Variants in GSS observed in about 807,000 individuals in gnomAD.
GSS encodes the protein GSH synthetase.
A neutral mutation model predicts 60.4 loss-of-function variants in GSS; 34 were observed. The observed-to-expected ratio is 0.56, with a 90% confidence interval of 0.43 to 0.75. The LOEUF is 0.75. GSS is among the 30% of genes least tolerant of loss of function. GSS has a pLI of 0.00. For missense variants in GSS, 499 were observed against 595.1 expected (o/e 0.84, Z 1.68); for synonymous variants, 224 against 239.0 (o/e 0.94, Z 0.58).
Position 34,936,977 on chromosome 20 carries a change from C to A in GSS, c.655G>T (p.Asp219Tyr). 6.2e-7 allele frequency: 1 copy of A among 1,614,018 alleles called. No individual in the cohort carries two copies. The highest frequency in any genetic ancestry group is 1.1e-5 in the South Asian group (1 of 91,058). ...IAQEKERNIF[D>Y]QRAIENELLA... is the part of the protein sequence containing the mutation. ...AGCTCATTCTCTATGGCACGCTGGT[C>A]AAATATGTTTCTTTCCTTCTCTTGA... is the stretch of plus-strand genomic sequence containing the variant. Residue 219 changes from aspartate to tyrosine, a missense_variant, in exon 7 of 13, where the codon GAC (aspartate) becomes TAC (tyrosine). Coordinates refer to ENST00000651619, the MANE Select transcript of GSS (RefSeq NM_000178.4).
chr20:34,950,306 G>A (rs1368403970), intron 2 of GSS, among the ~76,000 whole-genome samples: 1 of 151,966 alleles, frequency 6.6e-6, no homozygotes, highest in East Asian at 1.9e-4. Flanking sequence ...CATTTACTTG[G>A]GCCTTAGCAA....
chr20:34,949,266 C>A (rs928125270), intron 2 of GSS, among the ~76,000 whole-genome samples: 1 of 152,150 alleles, frequency 6.6e-6, no homozygotes, highest in African/African-American at 2.4e-5. Flanking sequence ...AAATACTCAG[C>A]CTAGATATGG....
At position 34,936,754 on chromosome 20, in the gene GSS, A is replaced by G. The variant is rs1449553008; in HGVS notation, c.767+9T>C. The G allele has an allele frequency of 1.9e-6, 3 of 1,597,548 alleles. No homozygotes were observed. The highest frequency in any genetic ancestry group is 1.3e-5 in the African/African-American group (1 of 74,606). The stretch of plus-strand genomic sequence containing the variant: ...ACCAGCCTTCCACTGGATTCTTGGG[A>G]ATGCTTACACAAACAGCCTTCGGTC... On this transcript the variant is annotated intron_variant, in intron 8 of 12. Transcript: ENST00000651619.
chr20:34,936,419 C>T (rs1302156507), intron 8 of GSS, among the ~76,000 whole-genome samples: 3 of 152,184 alleles, frequency 2.0e-5, no homozygotes, highest in African/African-American at 7.2e-5. Context: ...CCAGACCAAT[C>T]ACAGCATGAG....
In GSS at chr20:34,928,912, A is replaced by G. The variant is rs1203069606; in HGVS notation, c.1341T>C (p.His447=). ...GCTCGATGGCTTTGGTTCGAAGTAG[A>G]TGCCCCACGTGCTTGTTCATCACGA... is the stretch of plus-strand genomic sequence containing the variant. ...KTLVMNKHVG[H]LLRTKAIEHA... Residue 447 remains histidine, a synonymous_variant, in exon 13 of 13, where the codon CAT becomes CAC. Transcript: ENST00000651619. The G allele has an allele frequency of 6.2e-7, 1 of 1,613,820 alleles. No individual in the cohort carries two copies. The highest frequency in any genetic ancestry group is 1.7e-4 in the Middle Eastern group (1 of 5,816).
At position 34,928,779 on chromosome 20, in the gene GSS, A is replaced by G. The variant is rs970338473; in HGVS notation, c.*49T>C. The G allele has an allele frequency of 1.9e-6, 3 of 1,610,378 alleles. No homozygotes were observed. Among genetic ancestry groups the G allele is most frequent in the South Asian group, 1.1e-5 (1 of 90,934 alleles). On this transcript the variant is annotated 3_prime_UTR_variant, in exon 13 of 13. Transcript: ENST00000651619. ...GGATACCCCTCAGGAGGGCTAGGAG[A>G]GGAATGACAAATACAGAGGATAGAA...
At chr20:34,931,240 T>C in intron 11 of GSS, 96 bp downstream of exon 11, 1 of 970,544 alleles carries the variant, frequency 1.0e-6, no homozygotes, top group Non-Finnish European at 1.7e-6. Flanking sequence ...GTTTCCCCCA[T>C]GCCCGGGACT....
intron 6 of GSS, among the ~76,000 whole-genome samples, 177 bp downstream of exon 6, chr20:34,941,536 C>T (rs551760311): frequency 1.3e-5 from 2 of 152,284 alleles, no homozygotes; most frequent in African/African-American, 4.8e-5. Flanking sequence ...AAATCATAGT[C>T]AGCATCTGTT....
intron 10 of GSS, chr20:34,931,695 C>T (rs919492679): frequency 4.8e-6 from 3 of 621,076 alleles, no homozygotes; most frequent in Non-Finnish European, 8.6e-6. Context: ...TTAGTCCCTT[C>T]CCTCTGGTTG....
chr20:34,953,295 C>G (rs1036234962), intron 1 of GSS, among the ~76,000 whole-genome samples: 2 of 152,168 alleles, frequency 1.3e-5, no homozygotes, highest in Non-Finnish European at 2.9e-5. Context: ...GCTCTGTCCC[C>G]CTGTCCCCAT....
chr20:34,931,400 C>G lies in GSS; in HGVS notation c.1047G>C (p.Gln349His). The G allele has an allele frequency of 6.2e-7, 1 of 1,614,192 alleles. No individual in the cohort carries two copies. The highest frequency in any genetic ancestry group is 1.1e-5 in the South Asian group (1 of 91,092). Reference sequence around the variant, plus strand: ...GGGCAGCAAGGGCCTCGGCGATGGCCTGGTCCCCTTCTTCACCCTGGCAGG... The same window carrying G: ...GGGCAGCAAGGGCCTCGGCGATGGCGTGGTCCCCTTCTTCACCCTGGCAGG... ...YSLDVGEEGD[Q>H]AIAEALAAPS... is the part of the protein sequence containing the mutation. Residue 349 changes from glutamine (Q) to histidine (H), a missense_variant, in exon 11 of 13, where the codon CAG becomes CAC. Physicochemically the swap from Gln to His is conservative, Grantham distance 24. Coordinates refer to ENST00000651619, the MANE Select transcript of GSS (RefSeq NM_000178.4).
At chr20:34,930,214 C>T (rs2147121043) in intron 11 of GSS, among the ~76,000 whole-genome samples, 1 of 148,682 alleles carries the variant, frequency 6.7e-6, no homozygotes, top group African/African-American at 2.5e-5. Context: ...TGCAGTGAGC[C>T]AAGATCATGC....
chr20:34,932,240 C>A, intron 9 of GSS, 107 bp from the exon 10 acceptor site: 1 of 852,724 alleles, frequency 1.2e-6, no homozygotes, highest in South Asian at 1.4e-5. Flanking sequence ...TATCTTCACC[C>A]TCATTATCAC....
At position 34,931,394 on chromosome 20, in the gene GSS, G is replaced by A. The variant is rs373822828; in HGVS notation, c.1053C>T (p.Ile351=). The part of the protein sequence containing the change: ...LDVGEEGDQA[I]AEALAAPSRF... ...GGCTAGGGGCAGCAAGGGCCTCGGC[G>A]ATGGCCTGGTCCCCTTCTTCACCCT... is the stretch of plus-strand genomic sequence containing the variant. Residue 351 remains isoleucine (I), a synonymous_variant, in exon 11 of 13, where the codon ATC becomes ATT. Transcript: ENST00000651619. The A allele has an allele frequency of 1.4e-5, 22 of 1,614,060 alleles. No homozygotes were observed. The highest frequency in any genetic ancestry group is 5.3e-5 in the African/African-American group (4 of 74,944).
In GSS at chr20:34,929,465, G is replaced by A; in HGVS notation, c.1237C>T (p.Pro413Ser). 6.2e-7 allele frequency: 1 copy of A among 1,614,076 alleles called. No individual in the cohort carries two copies. The highest frequency in any genetic ancestry group is 8.5e-7 in the Non-Finnish European group (1 of 1,179,908). ...TGGACCACTCGGGCAGGGCTGCCAG[G>A]CCGTAGCAGGCAATTCTCAAAAGGC... ...PEPFENCLLR[P>S]GSPARVVQCI... is the part of the protein sequence containing the mutation. The change falls in exon 12 of 13, where the codon CCT becomes TCT. Residue 413 changes from proline to serine, a missense_variant. Transcript: ENST00000651619.
intron 12 of GSS, 102 bp from the exon 13 acceptor site, chr20:34,929,053 C>T: frequency 7.2e-7 from 1 of 1,394,222 alleles, no homozygotes; most frequent in Non-Finnish European, 1.0e-6. Context: ...CTGTCTATAC[C>T]AAGAAAGTGC....
chr20:34,941,890 G>C (rs1348560360), intron 5 of GSS, 61 bp from the exon 6 acceptor site: 5 of 869,594 alleles, frequency 5.7e-6, no homozygotes, highest in Non-Finnish European at 9.9e-6. Flanking sequence ...CTCTGCCCAT[G>C]ACCTCATATA....
At chr20:34,930,556 C>G (rs1236109089) in intron 11 of GSS, among the ~76,000 whole-genome samples, 5 of 152,152 alleles carry the variant, frequency 3.3e-5, no homozygotes, top group African/African-American at 1.2e-4. Context: ...ACAACTGTAT[C>G]AGCCTCTTCC....
At chr20:34,937,630 A>G (rs1418305361) in intron 6 of GSS, among the ~76,000 whole-genome samples, 2 of 152,190 alleles carry the variant, frequency 1.3e-5, no homozygotes, top group Non-Finnish European at 2.9e-5. Context: ...TTGATCTCAT[A>G]GTATTAATGA....
Sources: gnomAD v4.1 joint callset for allele counts (sites outside exome capture counted in the v4.1 genomes callset) on GRCh38, gnomAD v4.1.1 for gene constraint, MANE v1.5 for transcripts, NCBI Gene and HGNC (gene_info 2026-07-23, HGNC 2026-07-21) for gene names.